Variants in RBFOX1 observed in about 807,000 individuals in gnomAD.
The protein encoded by RBFOX1 is RNA binding fox-1 homolog 1.
In RBFOX1, 8 loss-of-function variants were observed where a neutral mutation model predicts 57.7. That is an observed-to-expected ratio of 0.14 (90% CI 0.08 to 0.25). RBFOX1 has a LOEUF of 0.25. RBFOX1 is among the 10% of genes least tolerant of loss of function. RBFOX1 has a pLI of 1.00. For missense variants in RBFOX1, 611 were observed against 548.5 expected, an observed-to-expected ratio of 1.11 and a Z score of -1.14; for synonymous variants, 326 against 222.4, an observed-to-expected ratio of 1.47 and a Z score of -4.15.
intron 3 of RBFOX1, among the ~76,000 whole-genome samples, chr16:5,850,721 A>G (rs1001042977): frequency 2.0e-5 from 3 of 152,058 alleles, no homozygotes; most frequent in African/African-American, 7.3e-5. Context: ...GTTTGCACAG[A>G]GAGTCAGTGA....
At chr16:7,140,346 C>T (rs2073430748) in intron 4 of RBFOX1, among the ~76,000 whole-genome samples, 3 of 140,218 alleles carry the variant, frequency 2.1e-5, no homozygotes, top group Non-Finnish European at 3.1e-5. Flanking sequence ...AGTTTCTTTT[C>T]CCCACTCTGA....
At chr16:6,998,833 G>A (rs1474887348) in intron 3 of RBFOX1, among the ~76,000 whole-genome samples, 1 of 151,714 alleles carries the variant, frequency 6.6e-6, no homozygotes, top group Non-Finnish European at 1.5e-5. Context: ...ACAAATACTG[G>A]AGTCATGTTT....
chr16:7,059,953 A>C (rs182932929), intron 4 of RBFOX1, among the ~76,000 whole-genome samples: 17 of 152,356 alleles, frequency 1.1e-4, no homozygotes, highest in Non-Finnish European at 2.4e-4. Context: ...CGATTCAAAA[A>C]TTATTTTGCT....
intron 1 of RBFOX1, among the ~76,000 whole-genome samples, chr16:5,447,689 C>G (rs2068291618): frequency 6.6e-6 from 1 of 152,236 alleles, no homozygotes. Context: ...AGCCACCGTG[C>G]CCGGCTGCCA....
At chr16:7,700,462 G>C (rs1413590699) in intron 14 of RBFOX1, among the ~76,000 whole-genome samples, 1 of 152,190 alleles carries the variant, frequency 6.6e-6, no homozygotes, top group East Asian at 1.9e-4. Flanking sequence ...CCCAGCTGCT[G>C]TTCAACCCTG....
chr16:6,276,148 A>G (rs1423269976), intron 1 of RBFOX1, among the ~76,000 whole-genome samples: 2 of 152,170 alleles, frequency 1.3e-5, no homozygotes, highest in Non-Finnish European at 2.9e-5. Context: ...TTTTTCCTGC[A>G]GTGAAGAAAA....
At chr16:7,638,710 T>C (rs1390975935) in intron 11 of RBFOX1, among the ~76,000 whole-genome samples, 1 of 152,214 alleles carries the variant, frequency 6.6e-6, no homozygotes, top group African/African-American at 2.4e-5. Flanking sequence ...AAAGTAGCCA[T>C]AGACTACTGT....
At chr16:7,375,303 T>C (rs57900579) in intron 4 of RBFOX1, among the ~76,000 whole-genome samples, 3 of 152,206 alleles carry the variant, frequency 2.0e-5, no homozygotes, top group African/African-American at 7.2e-5. Flanking sequence ...GCCATCTTAT[T>C]AGTCTCAAGG....
chr16:5,996,110 C>T (rs1200693572), intron 4 of RBFOX1, among the ~76,000 whole-genome samples: 2 of 152,130 alleles, frequency 1.3e-5, no homozygotes, highest in Non-Finnish European at 2.9e-5. Flanking sequence ...AAGGATCTCA[C>T]CTCCTAACAC....
intron 4 of RBFOX1, among the ~76,000 whole-genome samples, chr16:7,100,562 G>GTTGTTTTTT (rs1567255721): frequency 2.8e-5 from 3 of 108,766 alleles, no homozygotes; most frequent in African/African-American, 1.1e-4. Flanking sequence ...GTTTTTAAAG[G>GTTGTTTTTT]TTGTTTTTTT....
Position 7,417,980 on chromosome 16 carries a change from C to T in RBFOX1, c.28-100167C>T, listed in dbSNP as rs930636146. On this transcript the variant is annotated intron_variant, in intron 4 of 15. Coordinates refer to ENST00000550418, the MANE Select transcript of RBFOX1 (RefSeq NM_018723.4). ...CCTATCACCCAATCACCACAACCAC[C>T]CTCATCCCACAGATGGGCTCCAGAT... Among the ~76,000 whole-genome samples the T allele has an allele frequency of 3.9e-5, 6 of 152,222 alleles. No homozygotes were observed. In the East Asian group the frequency reaches 7.8e-4, roughly 20 times the overall value.
At chr16:7,652,266 G>GAGGA (rs2065227893) in intron 11 of RBFOX1, among the ~76,000 whole-genome samples, 1 of 152,190 alleles carries the variant, frequency 6.6e-6, no homozygotes, top group Non-Finnish European at 1.5e-5. Context: ...CATGAAATGG[G>GAGGA]AGGAAGGGAA....
At chr16:6,730,757 G>T (rs1392573729) in intron 3 of RBFOX1, among the ~76,000 whole-genome samples, 1 of 152,198 alleles carries the variant, frequency 6.6e-6, no homozygotes, top group African/African-American at 2.4e-5. Context: ...TATTTAGTGG[G>T]TTAGGAATTC....
intron 1 of RBFOX1, among the ~76,000 whole-genome samples, chr16:6,183,701 C>A (rs1453524201): frequency 1.2e-4 from 18 of 151,970 alleles, no homozygotes. Flanking sequence ...TGTAAAGACA[C>A]CTGGCTGCAG....
chr16:7,288,081 A>G (rs1433649534), intron 4 of RBFOX1, among the ~76,000 whole-genome samples: 2 of 152,096 alleles, frequency 1.3e-5, no homozygotes, highest in African/African-American at 4.8e-5. Context: ...TAGATGCTGG[A>G]TCAAGGTCTG....
chr16:5,740,881 G>C (rs543128495), intron 3 of RBFOX1, among the ~76,000 whole-genome samples: 1 of 152,188 alleles, frequency 6.6e-6, no homozygotes, highest in Non-Finnish European at 1.5e-5. Flanking sequence ...GATGACCATG[G>C]TGGCAGGGAA....
intron 3 of RBFOX1, among the ~76,000 whole-genome samples, chr16:6,725,116 T>C (rs1456956059): frequency 7.0e-6 from 1 of 142,650 alleles, no homozygotes. Flanking sequence ...AGTGGTGCGA[T>C]CTCGGCTCAC....
chr16:5,956,304 A>G (rs577558288), intron 4 of RBFOX1, among the ~76,000 whole-genome samples: 4 of 152,274 alleles, frequency 2.6e-5, no homozygotes, highest in African/African-American at 4.8e-5. Flanking sequence ...CTAAATATGT[A>G]TTAAGCCCAG....
intron 4 of RBFOX1, among the ~76,000 whole-genome samples, chr16:7,255,432 T>G (rs148452600): frequency 5.3e-5 from 8 of 152,366 alleles, no homozygotes; most frequent in African/African-American, 1.9e-4. Context: ...TTTTGTTATA[T>G]CCACATAATG....
Sources: gnomAD v4.1 joint callset for allele counts (sites outside exome capture counted in the v4.1 genomes callset) on GRCh38, gnomAD v4.1.1 for gene constraint, MANE v1.5 for transcripts, NCBI Gene and HGNC (gene_info 2026-07-23, HGNC 2026-07-21) for gene names.